Variants in TEX55 observed in about 807,000 individuals in gnomAD.
TEX55 encodes the protein testis-specific expressed protein 55.
TEX55 carries 31 observed loss-of-function variants against 44.6 expected under a neutral mutation model. That is an observed-to-expected ratio of 0.69 (90% CI 0.52 to 0.94). TEX55 has a LOEUF of 0.94. TEX55 is among the 40% of genes least tolerant of loss of function. The pLI, the probability that TEX55 is intolerant of heterozygous loss-of-function variation, is 0.00. For missense variants in TEX55, 639 were observed against 638.4 expected (o/e 1.00, Z -0.01); for synonymous variants, 230 against 230.9 (o/e 1.00, Z 0.04).
At chr3:119,149,982 T>G (rs1426036403) in intron 2 of TEX55, among the ~76,000 whole-genome samples, 1 of 152,196 alleles carries the variant, frequency 6.6e-6, no homozygotes, top group Non-Finnish European at 1.5e-5. Flanking sequence ...AACTGAAAAT[T>G]TTTGAATGCA....
At position 119,148,339 on chromosome 3, in the gene TEX55, C is replaced by T. The variant is rs555642989; in HGVS notation, c.1542+16C>T. The T allele has an allele frequency of 1.9e-6, 3 of 1,604,488 alleles. No individual in the cohort carries two copies. The highest frequency in any genetic ancestry group is 2.3e-5 in the South Asian group (2 of 88,724). On this transcript the variant is annotated intron_variant, in intron 2 of 2. Coordinates refer to ENST00000295622, the MANE Select transcript of TEX55 (RefSeq NM_152539.3). ...AATATTCCAGGTAAACCTCTCAATT[C>T]CTCTCTTTAATTATAAGTTTTTCAA...
intron 2 of TEX55, 148 bp from the exon 3 acceptor site, chr3:119,151,076 A>G (rs1420446245): frequency 2.4e-5 from 15 of 637,962 alleles, no homozygotes; most frequent in African/African-American, 9.1e-5. Context: ...ACTGCATTCC[A>G]TCTTGGGTGA....
intron 2 of TEX55, among the ~76,000 whole-genome samples, chr3:119,148,963 C>G (rs1236768510): frequency 6.6e-6 from 1 of 152,114 alleles, no homozygotes; most frequent in African/African-American, 2.4e-5. Flanking sequence ...AGCTTTCAGG[C>G]CTGGAAGTTG....
Position 119,147,087 on chromosome 3 carries a change from C to T in TEX55, c.898C>T (p.His300Tyr). ...TDLRLYGLVD[H>Y]KTSVKTHHQV... ...CCTCAGATTGTATGGCCTCGTTGAC[C>T]ACAAAACATCTGTAAAGACTCACCA... The change falls in exon 1 of 3, where the codon CAC (histidine) becomes TAC (tyrosine). Residue 300 changes from histidine to tyrosine, a missense_variant. Transcript: ENST00000295622. The T allele has an allele frequency of 3.7e-6, 6 of 1,614,142 alleles. No individual in the cohort carries two copies. In the South Asian group the frequency reaches 5.5e-5, roughly 15 times the overall value.
chr3:119,148,928 C>G (rs1190251178), intron 2 of TEX55, among the ~76,000 whole-genome samples: 1 of 152,168 alleles, frequency 6.6e-6, no homozygotes, highest in Non-Finnish European at 1.5e-5. Flanking sequence ...TGGTACACCT[C>G]TATGGAGTAC....
intron 1 of TEX55, 69 bp from the exon 2 acceptor site, chr3:119,148,111 C>G (rs1192590227): frequency 2.2e-6 from 3 of 1,361,876 alleles, no homozygotes; most frequent in African/African-American, 1.5e-5. Flanking sequence ...TCAGGTTTCA[C>G]TGATAATGAC....
chr3:119,147,129 G>A lies in TEX55; in HGVS notation c.940G>A (p.Ala314Thr), dbSNP rs2077735578. The change falls in exon 1 of 3, where the codon GCC (alanine) becomes ACC (threonine). Residue 314 changes from alanine (A) to threonine (T), a missense_variant. Transcript: ENST00000295622. ...GACTCACCACCAAGTGTACGGCCAA[G>A]CCACTGAACTAGCTGAACACCAGGC... ...VKTHHQVYGQ[A>T]TELAEHQAID... 1.9e-6 allele frequency: 3 copies of A among 1,613,994 alleles called. No homozygotes were observed. The highest frequency in any genetic ancestry group is 2.5e-6 in the Non-Finnish European group (3 of 1,180,024).
chr3:119,146,383 C>A lies in TEX55; in HGVS notation c.194C>A (p.Ser65Tyr), dbSNP rs767652604. ...TALRVPSQAE[S>Y]SIFSQATNGV... ...CTAAGAGTGCCTAGCCAGGCTGAAT[C>A]CAGCATATTTAGCCAAGCTACCAAC... is the stretch of plus-strand genomic sequence containing the variant. Residue 65 changes from serine (S) to tyrosine (Y), a missense_variant, in exon 1 of 3, where the codon TCC becomes TAC. By Grantham distance (144) the Ser-to-Tyr change is moderately radical (BLOSUM62 -2). Transcript: ENST00000295622. 6.2e-7 allele frequency: 1 copy of A among 1,614,154 alleles called. No homozygotes were observed. Among genetic ancestry groups the A allele is most frequent in the African/African-American group, 1.3e-5 (1 of 75,036 alleles).
Position 119,151,240 on chromosome 3 carries a change from T to TA in TEX55, c.1560dup (p.Val521SerfsTer3). The TA allele has an allele frequency of 1.2e-6, 2 of 1,612,120 alleles. No individual in the cohort carries two copies. Among genetic ancestry groups the TA allele is most frequent in the South Asian group, 2.2e-5 (2 of 91,040 alleles). Reference sequence around the variant, plus strand: ...CTTTCTCAGCAGATTACTGAAAACTTAGTCTATGAAAAGCCAGAGGACCCC... The same window carrying TA: ...CTTTCTCAGCAGATTACTGAAAACTTAAGTCTATGAAAAGCCAGAGGACCCC... On this transcript the variant is annotated frameshift_variant, in exon 3 of 3. Coordinates refer to ENST00000295622, the MANE Select transcript of TEX55 (RefSeq NM_152539.3). LOFTEE classifies it high-confidence loss of function.
chr3:119,146,307 G>T lies in TEX55; in HGVS notation c.118G>T (p.Glu40Ter). The T allele has an allele frequency of 1.9e-6, 3 of 1,614,140 alleles. No homozygotes were observed. Among genetic ancestry groups the T allele is most frequent in the Non-Finnish European group, 2.5e-6 (3 of 1,180,014 alleles). ...QEEDDQKNQA[E>*]RKADNHTAHR... is the part of the protein sequence containing the mutation. ...AGAAGACGACCAGAAGAACCAGGCC[G>T]AAAGGAAGGCAGATAACCACACTGC... The change falls in exon 1 of 3, where the codon GAA becomes TAA. Residue 40 changes from glutamate (E) to a stop codon, truncating the protein, a stop_gained. Coordinates refer to ENST00000295622, the MANE Select transcript of TEX55 (RefSeq NM_152539.3). LOFTEE classifies it high-confidence loss of function.
At chr3:119,150,357 A>G (rs2077770118) in intron 2 of TEX55, among the ~76,000 whole-genome samples, 1 of 152,096 alleles carries the variant, frequency 6.6e-6, no homozygotes, top group South Asian at 2.1e-4. Flanking sequence ...TTATGCGTGC[A>G]ACATTGTTAT....
At chr3:119,148,139 G>T in intron 1 of TEX55, 41 bp from the exon 2 acceptor site, 1 of 1,578,622 alleles carries the variant, frequency 6.3e-7, no homozygotes, top group Non-Finnish European at 8.6e-7. Context: ...AGGCCCTTCA[G>T]GTTTACTAAG....
At position 119,146,405 on chromosome 3, in the gene TEX55, C is replaced by T; in HGVS notation, c.216C>T (p.Thr72=). 6.2e-7 allele frequency: 1 copy of T among 1,614,130 alleles called. No homozygotes were observed. Among genetic ancestry groups the T allele is most frequent in the Non-Finnish European group, 8.5e-7 (1 of 1,180,010 alleles). The change falls in exon 1 of 3, where the codon ACC becomes ACT. Residue 72 remains threonine, a synonymous_variant. Transcript: ENST00000295622. ...QAESSIFSQA[T]NGVAEQNGHS... ...AATCCAGCATATTTAGCCAAGCTAC[C>T]AACGGAGTAGCTGAACAAAATGGGC...
At position 119,151,395 on chromosome 3, in the gene TEX55, G is replaced by A. The variant is rs557498042; in HGVS notation, c.*103G>A. ...AGTACGTACAACTCTGAATTCTTATGAAGTAAACATACCTGTAACTACCAT... is the reference window on the plus strand; with the variant it reads ...AGTACGTACAACTCTGAATTCTTATAAAGTAAACATACCTGTAACTACCAT... On this transcript the variant is annotated 3_prime_UTR_variant, in exon 3 of 3. Transcript: ENST00000295622. The A allele has an allele frequency of 7.7e-5, 71 of 922,362 alleles. No individual in the cohort carries two copies. The East Asian group carries it at 1.8e-3, about 23-fold the overall frequency. The allele number at this position is 922,362 out of a possible 1,614,324, so 57.1% of individuals were successfully genotyped here. A position where few individuals can be genotyped will look rare whatever the true frequency, so the allele number is the denominator to read the frequency against.
chr3:119,146,225 C>G lies in TEX55; in HGVS notation c.36C>G (p.Pro12=). Residue 12 remains proline, a synonymous_variant, in exon 1 of 3, where the codon CCC becomes CCG. Transcript: ENST00000295622. Reference sequence around the variant, plus strand: ...CTCCGCAAGAGGCTCTGGCTGAACCCTTGAAACATGAAAGCCCAGCCGCTC... The same window carrying G: ...CTCCGCAAGAGGCTCTGGCTGAACCGTTGAAACATGAAAGCCCAGCCGCTC... The part of the protein sequence containing the change: ...EEPPQEALAE[P]LKHESPAAPS... 1.2e-6 allele frequency: 2 copies of G among 1,613,468 alleles called. No homozygotes were observed. Among genetic ancestry groups the G allele is most frequent in the Non-Finnish European group, 1.7e-6 (2 of 1,179,778 alleles).
Position 119,147,147 on chromosome 3 carries a change from C to T in TEX55, c.958C>T (p.His320Tyr). The change falls in exon 1 of 3, where the codon CAC becomes TAC. Residue 320 changes from histidine to tyrosine, a missense_variant. By Grantham distance (83) the His-to-Tyr change is moderately conservative. Transcript: ENST00000295622. The stretch of plus-strand genomic sequence containing the variant: ...CGGCCAAGCCACTGAACTAGCTGAA[C>T]ACCAGGCTATTGACCAAGCTCATAG... ...VYGQATELAE[H>Y]QAIDQAHSNA... 1.2e-6 allele frequency: 2 copies of T among 1,614,184 alleles called. No homozygotes were observed. The highest frequency in any genetic ancestry group is 1.1e-5 in the South Asian group (1 of 91,078).
Position 119,147,529 on chromosome 3 carries a change from C to T in TEX55, c.1340C>T (p.Ser447Leu), listed in dbSNP as rs56317615. The T allele has an allele frequency of 0.28, 459,319 of 1,613,704 alleles. 69,004 individuals are homozygous for T. The highest frequency in any genetic ancestry group is 0.31 in the Non-Finnish European group (364,661 of 1,179,736). The change falls in exon 1 of 3, where the codon TCA (serine) becomes TTA (leucine). Residue 447 changes from serine to leucine, a missense_variant. Physicochemically the swap from Ser to Leu is moderately radical, Grantham distance 145. Coordinates refer to ENST00000295622, the MANE Select transcript of TEX55 (RefSeq NM_152539.3). Reference sequence around the variant, plus strand: ...CTTTTCCCAAGACTCCCCTCCATCTCATCCAAATTGAACTATACCAGCAGT... The same window carrying T: ...CTTTTCCCAAGACTCCCCTCCATCTTATCCAAATTGAACTATACCAGCAGT... ...QALFPRLPSI[S>L]SKLNYTSSQE...
chr3:119,148,277 T>A lies in TEX55; in HGVS notation c.1496T>A (p.Val499Asp), dbSNP rs1328491455. 6.2e-7 allele frequency: 1 copy of A among 1,612,828 alleles called. No homozygotes were observed. The highest frequency in any genetic ancestry group is 8.5e-7 in the Non-Finnish European group (1 of 1,179,578). ...ATAGTTTATGAAGATCCTTACCAAG[T>A]TTCACTCCAATACATGGAAAAACAC... The part of the protein sequence containing the change: ...PSIVYEDPYQ[V>D]SLQYMEKHHI... Residue 499 changes from valine to aspartate, a missense_variant, in exon 2 of 3, where the codon GTT becomes GAT. By Grantham distance (152) the Val-to-Asp change is radical. Coordinates refer to ENST00000295622, the MANE Select transcript of TEX55 (RefSeq NM_152539.3).
intron 2 of TEX55, 40 bp from the exon 3 acceptor site, chr3:119,151,184 C>T (rs779394228): frequency 1.5e-6 from 2 of 1,343,604 alleles, no homozygotes; most frequent in Non-Finnish European, 1.1e-6. Flanking sequence ...CATAATTTTG[C>T]TCAGAACCAT....
Sources: allele counts gnomAD v4.1 joint callset (sites outside exome capture counted in the v4.1 genomes callset), GRCh38; gene constraint gnomAD v4.1.1; transcripts MANE v1.5; gene names NCBI Gene and HGNC (gene_info 2026-07-23, HGNC 2026-07-21).